TINAG: variants seen among roughly 807,000 people sequenced by gnomAD.
TINAG encodes the protein tubulointerstitial nephritis antigen.
Under a neutral mutation model 72.7 loss-of-function variants are expected in TINAG, and 83 were observed. The ratio of observed to expected loss-of-function variants is 1.14; its 90% CI spans 0.96 to 1.37. The LOEUF (loss-of-function observed/expected upper bound fraction) is 1.37. Among genes scored for constraint, TINAG ranks in the 40% most tolerant of loss-of-function variants. TINAG has a pLI of 0.00. For synonymous variants in TINAG, 234 were observed against 189.9 expected (o/e 1.23, Z -1.91); for missense variants, 685 against 576.6 (o/e 1.19, Z -1.93).
rs1785348328 is a variant in TINAG, at chr6:54,354,618, A to G, written c.1232A>G (p.His411Arg). Residue 411 changes from histidine (H) to arginine (R), a missense_variant, in exon 9 of 11, where the codon CAT (histidine) becomes CGT (arginine). Coordinates refer to ENST00000259782, the MANE Select transcript of TINAG (RefSeq NM_014464.4). Reference protein sequence around the residue: ...ESEKYRKLQTHAVKLTGWGTL... With the variant: ...ESEKYRKLQTRAVKLTGWGTL... ...GAAAAATATCGAAAGCTTCAGACAC[A>G]TGCAGTCAAACTCACTGGGTAAGGC... The G allele has an allele frequency of 1.9e-6, 3 of 1,609,674 alleles. No homozygotes were observed. The South Asian group carries it at 3.3e-5, about 18-fold the overall frequency.
intron 9 of TINAG, 68 bp downstream of exon 9, chr6:54,354,704 G>A: frequency 6.8e-7 from 1 of 1,480,202 alleles, no homozygotes; most frequent in Non-Finnish European, 9.2e-7. Flanking sequence ...AATATGCAGT[G>A]TTTTAAATGC....
chr6:54,341,626 C>T (rs1784997468), intron 4 of TINAG, among the ~76,000 whole-genome samples: 1 of 152,058 alleles, frequency 6.6e-6, no homozygotes. Flanking sequence ...CTTGTAAATT[C>T]TAAACATTCC....
At chr6:54,354,816 G>A (rs941614784) in intron 9 of TINAG, among the ~76,000 whole-genome samples, 180 bp downstream of exon 9, 1 of 151,794 alleles carries the variant, frequency 6.6e-6, no homozygotes, top group Non-Finnish European at 1.5e-5. Flanking sequence ...GGCTAACTCA[G>A]CATTCTGGGA....
At chr6:54,323,071 T>C (rs1202847462) in intron 3 of TINAG, among the ~76,000 whole-genome samples, 2 of 152,210 alleles carry the variant, frequency 1.3e-5, no homozygotes, top group Non-Finnish European at 2.9e-5. Flanking sequence ...CCATTACTTT[T>C]GCACCAACCT....
chr6:54,324,368 C>T (rs1784558776), intron 3 of TINAG, among the ~76,000 whole-genome samples: 1 of 152,138 alleles, frequency 6.6e-6, no homozygotes, highest in Non-Finnish European at 1.5e-5. Flanking sequence ...GTTTCTCCAG[C>T]AGGCTAGCTT....
chr6:54,331,547 C>T (rs929408818), intron 4 of TINAG, among the ~76,000 whole-genome samples: 1 of 152,140 alleles, frequency 6.6e-6, no homozygotes, highest in Non-Finnish European at 1.5e-5. Context: ...GAAAACTGGC[C>T]CAAGACAAGG....
intron 8 of TINAG, among the ~76,000 whole-genome samples, chr6:54,353,595 C>T (rs1406463074): frequency 6.6e-6 from 1 of 151,768 alleles, no homozygotes; most frequent in African/African-American, 2.4e-5. Context: ...GTTTTAACCT[C>T]TTTTGCGACT....
chr6:54,340,709 ATAAATTGAT>A, intron 4 of TINAG, among the ~76,000 whole-genome samples: 1 of 152,270 alleles, frequency 6.6e-6, no homozygotes, highest in Middle Eastern at 3.4e-3. Flanking sequence ...GATGATCTTC[ATAAATTGAT>A]CTGGCTTAGT....
chr6:54,378,977 A>G (rs539291998), intron 9 of TINAG, among the ~76,000 whole-genome samples: 1 of 152,180 alleles, frequency 6.6e-6, no homozygotes, highest in East Asian at 1.9e-4. Context: ...TTTAGGCAAT[A>G]CCTCCGTGCT....
intron 3 of TINAG, among the ~76,000 whole-genome samples, chr6:54,322,860 G>A (rs75009713): frequency 0.037 from 5,682 of 152,292 alleles, 171 homozygotes; most frequent in Non-Finnish European, 0.057. Context: ...CAAAGAAGAT[G>A]AGAGTATATG....
chr6:54,317,909 C>T (rs1330605190), intron 1 of TINAG, among the ~76,000 whole-genome samples: 1 of 152,098 alleles, frequency 6.6e-6, no homozygotes, highest in Non-Finnish European at 1.5e-5. Flanking sequence ...TTACCAAATG[C>T]AATATTCAGA....
intron 8 of TINAG, among the ~76,000 whole-genome samples, chr6:54,352,759 AAATC>A (rs1785296853): frequency 6.6e-6 from 1 of 151,072 alleles, no homozygotes; most frequent in East Asian, 2.0e-4. Flanking sequence ...CCCTCTTTTT[AAATC>A]AATCAAACAA....
intron 4 of TINAG, among the ~76,000 whole-genome samples, chr6:54,329,848 A>G (rs757025196): frequency 2.0e-4 from 31 of 152,180 alleles, no homozygotes; most frequent in Non-Finnish European, 4.1e-4. Flanking sequence ...GCAGAATTTA[A>G]ACAAAGAAAG....
Position 54,308,769 on chromosome 6 carries a change from G to C in TINAG, c.219G>C (p.Glu73Asp), listed in dbSNP as rs772691748. 2 of 1,613,898 alleles carry C rather than the reference G, an allele frequency of 1.2e-6. No individual in the cohort carries two copies. Among genetic ancestry groups the C allele is most frequent in the East Asian group, 4.5e-5 (2 of 44,864 alleles). ...ACAGAGATGATGGCTGTGTCACTGA[G>C]TTCTATGCGGCGAATGCGTTGTGCT... is the stretch of plus-strand genomic sequence containing the variant. ...CEDRDDGCVT[E>D]FYAANALCYC... is the part of the protein sequence containing the mutation. The change falls in exon 1 of 11, where the codon GAG (glutamate) becomes GAC (aspartate). Residue 73 changes from glutamate to aspartate, a missense_variant. Transcript: ENST00000259782.
At position 54,334,971 on chromosome 6, in the gene TINAG, C is replaced by G. The variant is rs147879680; in HGVS notation, c.624+8055C>G. Among the ~76,000 whole-genome samples, 41 of 151,768 alleles carry G rather than the reference C, an allele frequency of 2.7e-4. No individual in the cohort carries two copies. The East Asian group carries it at 4.5e-3, about 17-fold the overall frequency. On this transcript the variant is annotated intron_variant, in intron 4 of 10. Coordinates refer to ENST00000259782, the MANE Select transcript of TINAG (RefSeq NM_014464.4). ...AGTTTTTTTTTTCTGTTTTATTTCT[C>G]ATTTTTGTTCTTACCCAGTGAGAAA...
rs376074627 is a variant in TINAG, at chr6:54,347,326, G to A, written c.749-41G>A. On this transcript the variant is annotated intron_variant, in intron 5 of 10. Coordinates refer to ENST00000259782, the MANE Select transcript of TINAG (RefSeq NM_014464.4). ...GGTTATGTACCTTATTAGAAATACCGTGTATCATTTCAATATTAATTGATA... is the reference window on the plus strand; with the variant it reads ...GGTTATGTACCTTATTAGAAATACCATGTATCATTTCAATATTAATTGATA... 120 of 1,602,606 alleles carry A rather than the reference G, an allele frequency of 7.5e-5. No individual in the cohort carries two copies. In the African/African-American group the frequency reaches 9.0e-4, roughly 12 times the overall value.
Position 54,341,851 on chromosome 6 carries a change from T to A in TINAG, c.625-1375T>A, listed in dbSNP as rs145267834. Among the ~76,000 whole-genome samples, 461 of 152,318 alleles carry A rather than the reference T, an allele frequency of 3.0e-3. 1 individual carries two copies. Among genetic ancestry groups the A allele is most frequent in the African/African-American group, 9.4e-3 (391 of 41,584 alleles). Reference sequence around the variant, plus strand: ...TGAAGCAGTTAAGAATTTAGAAGCCTGAGTGTAGTCCTAGGAGCATTTCTT... The same window carrying A: ...TGAAGCAGTTAAGAATTTAGAAGCCAGAGTGTAGTCCTAGGAGCATTTCTT... On this transcript the variant is annotated intron_variant, in intron 4 of 10. Coordinates refer to ENST00000259782, the MANE Select transcript of TINAG (RefSeq NM_014464.4).
intron 9 of TINAG, among the ~76,000 whole-genome samples, chr6:54,357,079 CCT>C (rs1279364015): frequency 9.9e-5 from 15 of 151,978 alleles, no homozygotes; most frequent in African/African-American, 3.4e-4. Flanking sequence ...TTACTCCCGT[CCT>C]CTTCACAAAA....
intron 4 of TINAG, among the ~76,000 whole-genome samples, chr6:54,331,739 C>G (rs1297359255): frequency 1.3e-5 from 2 of 151,658 alleles, no homozygotes; most frequent in Non-Finnish European, 2.9e-5. Flanking sequence ...TCTCCTTAAG[C>G]TGATAAGCAA....
Sources: allele counts gnomAD v4.1 joint callset (sites outside exome capture counted in the v4.1 genomes callset), GRCh38; gene constraint gnomAD v4.1.1; transcripts MANE v1.5; gene names NCBI Gene and HGNC (gene_info 2026-07-23, HGNC 2026-07-21).